NEDD1: variants seen among roughly 807,000 people sequenced by gnomAD.
The protein encoded by NEDD1 is NEDD1 gamma-tubulin ring complex targeting factor.
A neutral mutation model predicts 74.0 loss-of-function variants in NEDD1; 33 were observed. The observed-to-expected ratio is 0.45, with a 90% CI of 0.34 to 0.60. The LOEUF is 0.60. Ranked by LOEUF, NEDD1 falls within the 20% of genes least tolerant of loss-of-function variation. The probability of loss-of-function intolerance (pLI) is 0.01; values close to 1 mark genes in which losing one functional copy is unlikely to be tolerated. For synonymous variants in NEDD1, 250 were observed against 264.4 expected (o/e 0.95, Z 0.53); for missense variants, 746 against 776.5 (o/e 0.96, Z 0.47).
rs533534370 is a variant in NEDD1, at chr12:96,914,957, A to G, written c.231+2140A>G. 3.9e-5 allele frequency among the ~76,000 whole-genome samples: 6 copies of G among 152,316 alleles called. No individual in the cohort carries two copies. The East Asian group carries it at 1.2e-3, about 29-fold the overall frequency. On this transcript the variant is annotated intron_variant, in intron 4 of 15. Coordinates refer to ENST00000266742, the MANE Select transcript of NEDD1 (RefSeq NM_152905.4). Reference sequence around the variant, plus strand: ...AGTTGTTGTGATGATTGGAGTCCCAATATATTGATCTTCAATGGACACCAT... The same window carrying G: ...AGTTGTTGTGATGATTGGAGTCCCAGTATATTGATCTTCAATGGACACCAT...
chr12:96,907,929 T>C, intron 2 of NEDD1, 73 bp downstream of exon 2: 2 of 1,247,286 alleles, frequency 1.6e-6, no homozygotes, highest in Non-Finnish European at 2.0e-6. Flanking sequence ...ACCCGGCGAG[T>C]TGTGTTTCCT....
intron 9 of NEDD1, 25 bp from the exon 10 acceptor site, chr12:96,940,384 G>T: frequency 1.4e-6 from 2 of 1,450,910 alleles, no homozygotes; most frequent in South Asian, 2.5e-5. Context: ...TAATAACATT[G>T]ATTTTTATAT....
intron 4 of NEDD1, among the ~76,000 whole-genome samples, chr12:96,914,534 A>G (rs1338073273): frequency 3.3e-5 from 5 of 152,214 alleles, no homozygotes; most frequent in African/African-American, 7.2e-5. Flanking sequence ...ATTTGGAAAC[A>G]TTGGTTTTTT....
intron 3 of NEDD1, among the ~76,000 whole-genome samples, chr12:96,911,419 A>G (rs928747593): frequency 2.0e-5 from 3 of 152,212 alleles, no homozygotes; most frequent in Non-Finnish European, 2.9e-5. Flanking sequence ...ATGTGCACTG[A>G]AAGCCTTCAT....
chr12:96,927,955 A>G (rs1024632400), intron 6 of NEDD1, among the ~76,000 whole-genome samples: 19 of 152,094 alleles, frequency 1.2e-4, no homozygotes, highest in African/African-American at 4.3e-4. Context: ...GATTCTCTAT[A>G]TATTTCTGTA....
At chr12:96,949,867 AAAAAT>A (rs1260652055) in intron 14 of NEDD1, among the ~76,000 whole-genome samples, 2 of 152,100 alleles carry the variant, frequency 1.3e-5, no homozygotes, top group Non-Finnish European at 2.9e-5. Flanking sequence ...TGCAATTGAG[AAAAAT>A]CAGTTCCATG....
chr12:96,928,369 C>T lies in NEDD1; in HGVS notation c.490-6607C>T, dbSNP rs374898267. 2.0e-5 allele frequency among the ~76,000 whole-genome samples: 3 copies of T among 152,088 alleles called. No homozygotes were observed. The East Asian group carries it at 5.8e-4, about 29-fold the overall frequency. ...TCCAAATTTTTATAATAAATGAGCA[C>T]ATGTTAATATTGTTTTCATAAGTAT... On this transcript the variant is annotated intron_variant, in intron 6 of 15. Coordinates refer to ENST00000266742, the MANE Select transcript of NEDD1 (RefSeq NM_152905.4).
rs1383963764 is a variant in NEDD1 at position 96,909,878 on chromosome 12, T to C, written c.119T>C (p.Ile40Thr). The change falls in exon 3 of 16, where the codon ATA (isoleucine) becomes ACA (threonine). Residue 40 changes from isoleucine to threonine, a missense_variant. By Grantham distance (89) the Ile-to-Thr change is moderately conservative. This residue lies in a region of NEDD1 where 706 missense variants were observed against 706.7 expected (regional missense o/e 1.00). Transcript: ENST00000266742. ...PHTSPHGISS[I>T]CWSSNNNFLV... ...ACATCACCACATGGAATCAGCTCAA[T>C]ATGTTGGAGCAGCAATAGTATCCTT... 1.9e-6 allele frequency: 3 copies of C among 1,609,722 alleles called. No individual in the cohort carries two copies. The highest frequency in any genetic ancestry group is 2.2e-5 in the East Asian group (1 of 44,732).
intron 7 of NEDD1, 115 bp from the exon 8 acceptor site, chr12:96,936,496 T>A (rs1877106804): frequency 1.5e-6 from 1 of 664,818 alleles, no homozygotes; most frequent in Non-Finnish European, 2.7e-6. Context: ...ATATGTGTGC[T>A]CTTTGACCAG....
At chr12:96,940,938 C>T (rs1266610060) in intron 10 of NEDD1, among the ~76,000 whole-genome samples, 1 of 151,818 alleles carries the variant, frequency 6.6e-6, no homozygotes, top group Non-Finnish European at 1.5e-5. Context: ...TCCCACCACC[C>T]CATAAAAAAG....
At chr12:96,936,150 A>T (rs1877064635) in intron 7 of NEDD1, among the ~76,000 whole-genome samples, 1 of 152,200 alleles carries the variant, frequency 6.6e-6, no homozygotes, top group Admixed American at 6.5e-5. Context: ...CTTTTTGGCC[A>T]AGACTGTACA....
rs1329844110 is a variant in NEDD1 at position 96,926,430 on chromosome 12, TGCA to T, written c.489+6306_489+6308del. Among the ~76,000 whole-genome samples, 261 of 152,298 alleles carry T rather than the reference TGCA, an allele frequency of 1.7e-3. 1 individual carries two copies. Among genetic ancestry groups the T allele is most frequent in the Admixed American group, 3.7e-3 (56 of 15,284 alleles). On this transcript the variant is annotated intron_variant, in intron 6 of 15. Transcript: ENST00000266742. ...AAAACAGAATACATGGGCTAGGAAA[TGCA>T]AGTTGGCTTCTGCTGGTAAGGATGC...
intron 2 of NEDD1, among the ~76,000 whole-genome samples, chr12:96,909,018 A>T (rs989623887): frequency 3.3e-5 from 5 of 152,030 alleles, no homozygotes; most frequent in Non-Finnish European, 4.4e-5. Context: ...CTCTACTAAA[A>T]ATACAAAATT....
At chr12:96,937,538 A>G (rs1382501164) in intron 9 of NEDD1, 145 bp downstream of exon 9, 5 of 455,362 alleles carry the variant, frequency 1.1e-5, no homozygotes, top group Non-Finnish European at 1.9e-5. Flanking sequence ...AGAAGTGAAA[A>G]TCATTGAAGA....
At chr12:96,929,611 A>ATG (rs1477110746) in intron 6 of NEDD1, among the ~76,000 whole-genome samples, 1 of 134,762 alleles carries the variant, frequency 7.4e-6, no homozygotes, top group Non-Finnish European at 1.6e-5. Context: ...ATATGTGTAT[A>ATG]TATATATATA....
intron 6 of NEDD1, among the ~76,000 whole-genome samples, chr12:96,923,374 T>C (rs1875321540): frequency 6.6e-6 from 1 of 152,180 alleles, no homozygotes. Context: ...TTTGAGTAAA[T>C]ACTTAGGAGT....
chr12:96,931,808 TACAC>T (rs1191424221), intron 6 of NEDD1, among the ~76,000 whole-genome samples: 6 of 152,300 alleles, frequency 3.9e-5, no homozygotes, highest in African/African-American at 1.4e-4. Flanking sequence ...GAAGCATACA[TACAC>T]ACAGAAAAAT....
intron 2 of NEDD1, among the ~76,000 whole-genome samples, chr12:96,909,544 T>TA (rs1292391868): frequency 6.6e-6 from 1 of 152,124 alleles, no homozygotes; most frequent in African/African-American, 2.4e-5. Flanking sequence ...TCATTATCAT[T>TA]ACTGTGAGGA....
intron 6 of NEDD1, among the ~76,000 whole-genome samples, chr12:96,926,988 T>TG (rs1875774590): frequency 6.8e-6 from 1 of 147,818 alleles, no homozygotes; most frequent in African/African-American, 2.5e-5. Context: ...AAAAAAAAAA[T>TG]TGTGTGTGTG....
Sources: gnomAD v4.1 joint callset for allele counts (sites outside exome capture counted in the v4.1 genomes callset) on GRCh38, gnomAD v4.1.1 for gene constraint, gnomAD v4.1.1 regional missense constraint, MANE v1.5 for transcripts, NCBI Gene and HGNC (gene_info 2026-07-23, HGNC 2026-07-21) for gene names.